The following ATP1B3 variants were observed in gnomAD, a reference collection of about 807,000 sequenced individuals.
The protein encoded by ATP1B3 is sodium/potassium-transporting ATPase subunit beta-3.
Under a neutral mutation model 30.2 loss-of-function variants are expected in ATP1B3, and 10 were observed. The ratio of observed to expected loss-of-function variants is 0.33; its 90% confidence interval spans 0.20 to 0.56. The LOEUF (loss-of-function observed/expected upper bound fraction) is 0.56, where lower values mean the gene tolerates loss of function less well. Ranked by LOEUF, ATP1B3 falls within the 20% of genes least tolerant of loss-of-function variation. The pLI is 0.90. For missense variants in ATP1B3, 238 were observed against 336.7 expected (o/e 0.71, Z 2.29); for synonymous variants, 113 against 117.0 (o/e 0.97, Z 0.22).
At chr3:141,901,040 C>T (rs1040787426) in intron 1 of ATP1B3, among the ~76,000 whole-genome samples, 6 of 152,190 alleles carry the variant, frequency 3.9e-5, no homozygotes, top group African/African-American at 1.4e-4. Context: ...GCCTTGGCCT[C>T]CCAAAGTGCT....
At chr3:141,918,815 T>A (rs1934515393) in intron 5 of ATP1B3, 1 of 152,214 alleles carries the variant, frequency 6.6e-6, no homozygotes, top group Non-Finnish European at 1.5e-5. Flanking sequence ...GGGGGAAATG[T>A]TAATGAAAAA....
chr3:141,877,794 T>C (rs1302222760), intron 1 of ATP1B3, among the ~76,000 whole-genome samples: 5 of 151,580 alleles, frequency 3.3e-5, no homozygotes, highest in African/African-American at 9.7e-5. Flanking sequence ...TGCCTTTTTT[T>C]CCTAAAATTG....
chr3:141,876,764 C>T lies in ATP1B3; in HGVS notation c.-38C>T, dbSNP rs11539490. 0.015 allele frequency: 22,975 copies of T among 1,545,446 alleles called. 216 individuals are homozygous for T. Among genetic ancestry groups the T allele is most frequent in the Non-Finnish European group, 0.017 (18,752 of 1,131,418 alleles). ...TCCGCAGCCCTCGCCGCCTCCATCCCCGCGGCCGCAGCTCCTCTCGCCGTC... is the reference window on the plus strand; with the variant it reads ...TCCGCAGCCCTCGCCGCCTCCATCCTCGCGGCCGCAGCTCCTCTCGCCGTC... On this transcript the variant is annotated 5_prime_UTR_variant, in exon 1 of 7. Transcript: ENST00000286371.
At chr3:141,879,777 T>TCAAAAAAAAAAAAAA (rs780164779) in intron 1 of ATP1B3, among the ~76,000 whole-genome samples, 1 of 58,836 alleles carries the variant, frequency 1.7e-5, no homozygotes, top group Non-Finnish European at 3.4e-5. Flanking sequence ...AGTCTCCATC[T>TCAAAAAAAAAAAAAA]CAAAAAAAAA....
At chr3:141,915,482 C>G (rs1934444429) in intron 4 of ATP1B3, among the ~76,000 whole-genome samples, 1 of 152,198 alleles carries the variant, frequency 6.6e-6, no homozygotes, top group Non-Finnish European at 1.5e-5. Flanking sequence ...AAATAGGGCT[C>G]TCCCAGTGTG....
At chr3:141,914,821 C>T (rs1477355858) in intron 4 of ATP1B3, among the ~76,000 whole-genome samples, 2 of 152,222 alleles carry the variant, frequency 1.3e-5, no homozygotes, top group South Asian at 2.1e-4. Flanking sequence ...CCCAGACTGA[C>T]ACCCCTCCAA....
intron 1 of ATP1B3, among the ~76,000 whole-genome samples, chr3:141,889,809 A>T (rs997735517): frequency 6.9e-6 from 1 of 144,992 alleles, no homozygotes; most frequent in African/African-American, 2.5e-5. Flanking sequence ...ATATCTACAT[A>T]TATGTGTGTA....
Position 141,903,724 on chromosome 3 carries a change from T to C in ATP1B3, c.214T>C (p.Tyr72His), listed in dbSNP as rs1934210911. ...GACTCTCAACGATGAGGTTCCAAAA[T>C]ACCGTGACCAGATTCCTAGCCCAGG... ...LQTLNDEVPK[Y>H]RDQIPSPGLM... Residue 72 changes from tyrosine to histidine, a missense_variant, in exon 2 of 7, where the codon TAC becomes CAC. By Grantham distance (83) the Tyr-to-His change is moderately conservative. Coordinates refer to ENST00000286371, the MANE Select transcript of ATP1B3 (RefSeq NM_001679.4). 1 of 1,614,070 alleles carries C rather than the reference T, an allele frequency of 6.2e-7. No homozygotes were observed.
intron 2 of ATP1B3, among the ~76,000 whole-genome samples, chr3:141,906,425 C>G (rs559327269): frequency 2.0e-5 from 3 of 152,218 alleles, no homozygotes; most frequent in Non-Finnish European, 4.4e-5. Flanking sequence ...AGTGATCCGC[C>G]AGCCTCGGCC....
chr3:141,913,199 C>CTT (rs577491361), intron 3 of ATP1B3, among the ~76,000 whole-genome samples: 1 of 143,646 alleles, frequency 7.0e-6, no homozygotes, highest in Admixed American at 7.0e-5. Flanking sequence ...AGCTCAGTTG[C>CTT]TTTTTTTTTT....
intron 2 of ATP1B3, 88 bp downstream of exon 2, chr3:141,903,836 CA>C (rs1213457655): frequency 6.8e-7 from 1 of 1,472,684 alleles, no homozygotes; most frequent in East Asian, 2.4e-5. Flanking sequence ...GGCTGGAATG[CA>C]GTGGCATGAT....
chr3:141,885,880 A>AACACACACACACAC (rs146684460), intron 1 of ATP1B3, among the ~76,000 whole-genome samples: 19 of 141,636 alleles, frequency 1.3e-4, no homozygotes, highest in Non-Finnish European at 1.9e-4. Flanking sequence ...GCTGCGTTAA[A>AACACACACACACAC]ACACACACAC....
intron 1 of ATP1B3, among the ~76,000 whole-genome samples, chr3:141,896,171 G>C (rs1337656968): frequency 6.6e-6 from 1 of 151,774 alleles, no homozygotes; most frequent in East Asian, 1.9e-4. Context: ...GGACAACAGA[G>C]CAAAATCCCC....
chr3:141,904,598 T>A (rs1447903263), intron 2 of ATP1B3, among the ~76,000 whole-genome samples: 1 of 152,042 alleles, frequency 6.6e-6, no homozygotes, highest in African/African-American at 2.4e-5. Context: ...TCTTCTTGAT[T>A]TTCTTCTGGA....
chr3:141,916,541 C>T, intron 5 of ATP1B3: 1 of 1,287,802 alleles, frequency 7.8e-7, no homozygotes, highest in South Asian at 1.2e-5. Flanking sequence ...CTCCATGCTG[C>T]AAATGCCACT....
chr3:141,902,187 C>T lies in ATP1B3; in HGVS notation c.110-1433C>T, dbSNP rs1212473261. The stretch of plus-strand genomic sequence containing the variant: ...TGCTGTCTGAAGGTGACATCCTGTT[C>T]TCCTCTCTTCTGTCCTCTCCATCCT... On this transcript the variant is annotated intron_variant, in intron 1 of 6. Coordinates refer to ENST00000286371, the MANE Select transcript of ATP1B3 (RefSeq NM_001679.4). 2.3e-6 allele frequency: 3 copies of T among 1,289,708 alleles called. No homozygotes were observed. In the Admixed American group the frequency reaches 6.9e-5, roughly 30 times the overall value. The allele number at this position is 1,289,708 out of a possible 1,614,324, so 79.9% of individuals were successfully genotyped here.
chr3:141,882,579 A>ATTTTG lies in ATP1B3; in HGVS notation c.109+5684_109+5688dup, dbSNP rs975815425. 3.0e-4 allele frequency among the ~76,000 whole-genome samples: 45 copies of ATTTTG among 151,766 alleles called. No homozygotes were observed. The East Asian group carries it at 7.8e-3, about 26-fold the overall frequency. On this transcript the variant is annotated intron_variant, in intron 1 of 6. Transcript: ENST00000286371. ...CCAAAGCTGCATATCTAATCATACA[A>ATTTTG]TTTTGTTTTGTTTTGTTTTTTGAGA...
chr3:141,887,444 TAA>T (rs1933857815), intron 1 of ATP1B3, among the ~76,000 whole-genome samples: 1 of 152,216 alleles, frequency 6.6e-6, no homozygotes, highest in Non-Finnish European at 1.5e-5. Context: ...TAACCCCCGT[TAA>T]GTGTGTAAAT....
intron 6 of ATP1B3, chr3:141,922,264 G>A (rs567527596): frequency 4.8e-6 from 2 of 412,870 alleles, no homozygotes; most frequent in African/African-American, 2.1e-5. Context: ...AAGCAGATAC[G>A]TTAAAGTTAG....
Sources: gnomAD v4.1 joint callset for allele counts (sites outside exome capture counted in the v4.1 genomes callset) on GRCh38, gnomAD v4.1.1 for gene constraint, MANE v1.5 for transcripts, NCBI Gene and HGNC (gene_info 2026-07-23, HGNC 2026-07-21) for gene names.